The following ERLEC1 variants were observed in gnomAD, a reference collection of about 807,000 sequenced individuals.
The protein encoded by ERLEC1 is endoplasmic reticulum lectin 1.
A neutral mutation model predicts 68.0 loss-of-function variants in ERLEC1; 47 were observed. The ratio of observed to expected loss-of-function variants is 0.69; its 90% CI spans 0.55 to 0.88. The LOEUF (loss-of-function observed/expected upper bound fraction) is 0.88, where lower values mean the gene tolerates loss of function less well. Ranked by LOEUF, ERLEC1 falls within the 40% of genes least tolerant of loss-of-function variation. The probability of loss-of-function intolerance (pLI) is 0.00; values close to 1 mark genes in which losing one functional copy is unlikely to be tolerated. For synonymous variants in ERLEC1, 225 were observed against 203.2 expected (o/e 1.11, Z -0.91); for missense variants, 567 against 583.8 (o/e 0.97, Z 0.30).
intron 8 of ERLEC1, among the ~76,000 whole-genome samples, 176 bp downstream of exon 8, chr2:53,802,018 TC>T (rs2104305661): frequency 6.6e-6 from 1 of 152,338 alleles, no homozygotes; most frequent in South Asian, 2.1e-4. Context: ...CTAGTACTAC[TC>T]AAACTATTTT....
At chr2:53,811,162 C>G (rs1342691927) in intron 10 of ERLEC1, among the ~76,000 whole-genome samples, 1 of 152,190 alleles carries the variant, frequency 6.6e-6, no homozygotes, top group Non-Finnish European at 1.5e-5. Context: ...CAGCAACAAT[C>G]GATTTCATTC....
chr2:53,792,140 TC>T, intron 1 of ERLEC1, among the ~76,000 whole-genome samples: 1 of 151,910 alleles, frequency 6.6e-6, no homozygotes, highest in African/African-American at 2.4e-5. Flanking sequence ...AGTCTGGATC[TC>T]CTGCCCTCTA....
At chr2:53,792,903 G>C (rs941548067) in intron 1 of ERLEC1, among the ~76,000 whole-genome samples, 3 of 152,072 alleles carry the variant, frequency 2.0e-5, no homozygotes, top group Non-Finnish European at 4.4e-5. Context: ...CCAGCTACTA[G>C]GGAGGCTAAG....
chr2:53,787,257 CGG>C lies in ERLEC1; in HGVS notation c.48_49del (p.Leu18ThrfsTer22). 1 of 1,607,668 alleles carries C rather than the reference CGG, an allele frequency of 6.2e-7. No homozygotes were observed. The highest frequency in any genetic ancestry group is 8.5e-7 in the Non-Finnish European group (1 of 1,179,770). On this transcript the variant is annotated frameshift_variant, in exon 1 of 14. Transcript: ENST00000185150. LOFTEE classifies it high-confidence loss of function. ...GTACGGAGTCTGGTCCCGGGCGGGC[CGG>C]TGTTACTGGTCCTCTGCGGCCTCCT...
intron 1 of ERLEC1, among the ~76,000 whole-genome samples, chr2:53,789,648 A>AT (rs1403111303): frequency 6.6e-6 from 1 of 152,138 alleles, no homozygotes; most frequent in Admixed American, 6.5e-5. Context: ...TGTAAAAATA[A>AT]GCCACAATAG....
At chr2:53,795,110 C>G (rs183162273) in intron 2 of ERLEC1, among the ~76,000 whole-genome samples, 1 of 152,272 alleles carries the variant, frequency 6.6e-6, no homozygotes, top group Non-Finnish European at 1.5e-5. Flanking sequence ...CCCATGCTTT[C>G]TCATTATCTT....
chr2:53,801,900 T>C lies in ERLEC1; in HGVS notation c.879+58T>C, dbSNP rs181880796. 4.7e-4 allele frequency: 662 copies of C among 1,396,872 alleles called. 4 individuals are homozygous for C. The African/African-American group carries it at 8.6e-3, about 18-fold the overall frequency. The allele number at this position is 1,396,872 out of a possible 1,614,324, so 86.5% of individuals were successfully genotyped here. On this transcript the variant is annotated intron_variant, in intron 8 of 13. Transcript: ENST00000185150. ...GCTTCATTTTTAAAATTTCAGAGCA[T>C]ATGTCAATATTTTAATGATTTCTGT...
At chr2:53,809,148 G>A (rs1558604002) in intron 9 of ERLEC1, 66 bp from the exon 10 acceptor site, 1 of 1,080,436 alleles carries the variant, frequency 9.3e-7, no homozygotes, top group Non-Finnish European at 1.4e-6. Context: ...TTCCATTACT[G>A]TCATGTGGCA....
At chr2:53,804,784 C>G (rs538724446) in intron 8 of ERLEC1, among the ~76,000 whole-genome samples, 125 of 152,106 alleles carry the variant, frequency 8.2e-4, no homozygotes, top group Admixed American at 3.0e-3. Flanking sequence ...CATTAACCAT[C>G]CCCACCTCCT....
intron 1 of ERLEC1, among the ~76,000 whole-genome samples, chr2:53,793,357 T>A (rs956656395): frequency 6.6e-6 from 1 of 152,248 alleles, no homozygotes; most frequent in Non-Finnish European, 1.5e-5. Flanking sequence ...TGTCAATATA[T>A]GCCAGAAGTC....
chr2:53,813,809 T>C (rs528206379), intron 11 of ERLEC1, among the ~76,000 whole-genome samples: 34 of 152,212 alleles, frequency 2.2e-4, no homozygotes, highest in African/African-American at 7.9e-4. Context: ...TTTTTAATAC[T>C]TTAAGTTTTA....
intron 3 of ERLEC1, among the ~76,000 whole-genome samples, chr2:53,796,977 C>T (rs1462368792): frequency 2.0e-5 from 3 of 151,222 alleles, no homozygotes; most frequent in Admixed American, 6.6e-5. Flanking sequence ...CTGCAACCTC[C>T]GCCTGCCAGG....
chr2:53,817,438 T>C lies in ERLEC1; in HGVS notation c.1381-460T>C, dbSNP rs770694816. ...ATGAGCCATCGTGCCCAGCCTCCAC[T>C]TGGTTCTTTTTTATCTCTACTGAAA... On this transcript the variant is annotated intron_variant, in intron 13 of 13. Transcript: ENST00000185150. 1.9e-3 allele frequency among the ~76,000 whole-genome samples: 286 copies of C among 152,294 alleles called. 4 individuals are homozygous for C. Among genetic ancestry groups the C allele is most frequent in the Non-Finnish European group, 3.0e-3 (201 of 68,030 alleles).
In ERLEC1 at chr2:53,808,293, T is replaced by G. The variant is rs1261953753; in HGVS notation, c.880-6T>G. 1 of 1,612,294 alleles carries G rather than the reference T, an allele frequency of 6.2e-7. No homozygotes were observed. The highest frequency in any genetic ancestry group is 8.5e-7 in the Non-Finnish European group (1 of 1,179,634). On this transcript the variant is annotated splice_region_variant and splice_polypyrimidine_tract_variant and intron_variant, in intron 8 of 13. Transcript: ENST00000185150. ...GAAACCCTTAAACGTGTGTGTTTAA[T>G]TTTAGGAAGATTTGCAATCAACTAA...
chr2:53,800,829 T>C (rs1675963878), intron 6 of ERLEC1, among the ~76,000 whole-genome samples: 1 of 152,176 alleles, frequency 6.6e-6, no homozygotes, highest in South Asian at 2.1e-4. Flanking sequence ...GGAGTTTACA[T>C]GCTGGATAGT....
intron 1 of ERLEC1, among the ~76,000 whole-genome samples, chr2:53,789,922 G>A (rs961309881): frequency 2.0e-5 from 3 of 151,506 alleles, no homozygotes; most frequent in Non-Finnish European, 4.4e-5. Context: ...GGGAGGCTGA[G>A]GCAGGAGAAT....
chr2:53,810,900 C>T (rs1676559689), intron 10 of ERLEC1, among the ~76,000 whole-genome samples: 1 of 149,738 alleles, frequency 6.7e-6, no homozygotes, highest in Non-Finnish European at 1.5e-5. Flanking sequence ...AACTACAACC[C>T]TTATAATACC....
intron 8 of ERLEC1, among the ~76,000 whole-genome samples, chr2:53,802,936 G>A (rs983769552): frequency 3.3e-5 from 5 of 152,022 alleles, no homozygotes; most frequent in African/African-American, 9.7e-5. Flanking sequence ...CTTCTCTTGC[G>A]TTGTCCCCTC....
intron 2 of ERLEC1, among the ~76,000 whole-genome samples, chr2:53,795,501 A>C (rs1675645917): frequency 6.6e-6 from 1 of 152,190 alleles, no homozygotes; most frequent in Non-Finnish European, 1.5e-5. Flanking sequence ...TACATAAAAA[A>C]CTGAAAAGTG....
Sources: allele counts gnomAD v4.1 joint callset (sites outside exome capture counted in the v4.1 genomes callset), GRCh38; gene constraint gnomAD v4.1.1; transcripts MANE v1.5; gene names NCBI Gene and HGNC (gene_info 2026-07-23, HGNC 2026-07-21).